Variants in INTS7 observed in about 807,000 individuals in gnomAD.
INTS7 encodes chromosome 1 open reading frame 73.
In INTS7, 46 loss-of-function variants were observed where a neutral mutation model predicts 109.2. That is an observed-to-expected ratio of 0.42 (90% CI 0.33 to 0.54). The LOEUF (loss-of-function observed/expected upper bound fraction) is 0.54. Among genes scored for constraint, INTS7 ranks in the 20% least tolerant of loss-of-function variants. The pLI, the probability that INTS7 is intolerant of heterozygous loss-of-function variation, is 0.07. For missense variants in INTS7, 929 were observed against 1,132.4 expected, an observed-to-expected ratio of 0.82 and a Z score of 2.58; for synonymous variants, 412 against 402.9, an observed-to-expected ratio of 1.02 and a Z score of -0.27.
At chr1:211,992,692 A>G (rs996948784) in intron 7 of INTS7, among the ~76,000 whole-genome samples, 2 of 152,120 alleles carry the variant, frequency 1.3e-5, no homozygotes, top group Non-Finnish European at 2.9e-5. Flanking sequence ...TAAAAATAAT[A>G]ATAATAAAAT....
At chr1:212,016,829 C>A in intron 4 of INTS7, 57 bp downstream of exon 4, 1 of 1,469,008 alleles carries the variant, frequency 6.8e-7, no homozygotes, top group South Asian at 1.3e-5. Flanking sequence ...GTTTTTCCTT[C>A]AAAAATTTTT....
At position 211,941,056 on chromosome 1, in the gene INTS7, A is replaced by G. The variant is rs1487207497; in HGVS notation, c.*768T>C. The G allele has an allele frequency of 6.6e-6, 1 of 152,258 alleles. No homozygotes were observed. Among genetic ancestry groups the G allele is most frequent in the Non-Finnish European group, 1.5e-5 (1 of 68,046 alleles). The allele number at this position is 152,258 out of a possible 1,614,324, so 9.4% of individuals were successfully genotyped here. A position where few individuals can be genotyped will look rare whatever the true frequency, so the allele number is the denominator to read the frequency against. On this transcript the variant is annotated 3_prime_UTR_variant, in exon 20 of 20. Transcript: ENST00000366994. Reference sequence around the variant, plus strand: ...CAATACTGTTAGACTGTGGGCTTTCATAATCCAGAAGGCTGGATGTTGCAC... The same window carrying G: ...CAATACTGTTAGACTGTGGGCTTTCGTAATCCAGAAGGCTGGATGTTGCAC...
intron 7 of INTS7, among the ~76,000 whole-genome samples, chr1:212,002,810 T>C (rs1372365675): frequency 6.6e-6 from 1 of 152,090 alleles, no homozygotes; most frequent in Middle Eastern, 3.2e-3. Context: ...CAAATGCAAA[T>C]CCCTACAGGA....
rs1010404955 is a variant in INTS7 at position 212,011,238 on chromosome 1, G to T, written c.556+137C>A. 5.1e-6 allele frequency: 3 copies of T among 592,102 alleles called. No homozygotes were observed. The South Asian group carries it at 7.1e-5, about 14-fold the overall frequency. The allele number at this position is 592,102 out of a possible 1,614,324, so 36.7% of individuals were successfully genotyped here. ...TCCTGTATCCTCAGCATTTAGAACA[G>T]TTTGGGCAAATAGAAGATACTTAAT... On this transcript the variant is annotated intron_variant, in intron 5 of 19. Coordinates refer to ENST00000366994, the MANE Select transcript of INTS7 (RefSeq NM_015434.4).
intron 1 of INTS7, among the ~76,000 whole-genome samples, chr1:212,030,509 G>A (rs1454432876): frequency 3.3e-5 from 5 of 151,972 alleles, no homozygotes; most frequent in Non-Finnish European, 7.4e-5. Flanking sequence ...GGCTGGTCTC[G>A]AACTCCTGAC....
rs374515643 is a variant in INTS7, at chr1:211,966,460, T to C, written c.2153A>G (p.Glu718Gly). 5.0e-6 allele frequency: 8 copies of C among 1,608,474 alleles called. No individual in the cohort carries two copies. Among genetic ancestry groups the C allele is most frequent in the Middle Eastern group, 3.3e-4 (2 of 6,042 alleles). Reference sequence around the variant, plus strand: ...TGATTCTGGATCCAAAATCAGGGCTTCTATTGCATGAGATATCAGTAAACA... The same window carrying C: ...TGATTCTGGATCCAAAATCAGGGCTCCTATTGCATGAGATATCAGTAAACA... Reference protein sequence around the residue: ...QSCLLISHAIEALILDPESAS... With the variant: ...QSCLLISHAIGALILDPESAS... The change falls in exon 16 of 20, where the codon GAA (glutamate) becomes GGA (glycine). Residue 718 changes from glutamate to glycine, a missense_variant. Transcript: ENST00000366994.
intron 1 of INTS7, among the ~76,000 whole-genome samples, chr1:212,032,360 G>A (rs1667204452): frequency 6.6e-6 from 1 of 152,106 alleles, no homozygotes; most frequent in South Asian, 2.1e-4. Context: ...CTTTTCAAAG[G>A]AAAGTCAGAT....
intron 4 of INTS7, chr1:212,011,721 T>C (rs1372019968): frequency 7.2e-6 from 2 of 278,310 alleles, no homozygotes; most frequent in East Asian, 1.3e-4. Flanking sequence ...TGTGTTTATA[T>C]AACAACAGGG....
chr1:212,021,121 A>G lies in INTS7; in HGVS notation c.186T>C (p.Asn62=). 1.2e-6 allele frequency: 2 copies of G among 1,612,034 alleles called. No homozygotes were observed. Among genetic ancestry groups the G allele is most frequent in the Non-Finnish European group, 1.7e-6 (2 of 1,178,688 alleles). ...CATCAGCTAACTTTAGGAATGCAGA[A>G]TTGATAAGAATAGGGAATGGATACT... ...FQKYPFPILI[N]SAFLKLADVF... The change falls in exon 2 of 20, where the codon AAT becomes AAC. Residue 62 remains asparagine (N), a synonymous_variant. Coordinates refer to ENST00000366994, the MANE Select transcript of INTS7 (RefSeq NM_015434.4).
At chr1:212,006,047 G>A (rs1293400506) in intron 7 of INTS7, among the ~76,000 whole-genome samples, 2 of 152,020 alleles carry the variant, frequency 1.3e-5, no homozygotes, top group Non-Finnish European at 2.9e-5. Context: ...TTTGCAAAAT[G>A]GTGTTATTTC....
intron 16 of INTS7, among the ~76,000 whole-genome samples, chr1:211,957,259 T>C (rs1663410730): frequency 6.6e-6 from 1 of 152,132 alleles, no homozygotes; most frequent in South Asian, 2.1e-4. Flanking sequence ...TAAAATTGGA[T>C]TGTCAGCCGG....
chr1:211,968,585 T>C lies in INTS7; in HGVS notation c.1938A>G (p.Pro646=). ...TGGCAATTGTTGTGGCAATTGCAGG[T>C]GGTGGGCTTGTCTTCAGGCTATTAC... ...CTCNSLKTSP[P]PAIATTIAMT... Residue 646 remains proline (P), a synonymous_variant, in exon 14 of 20, where the codon CCA becomes CCG. Coordinates refer to ENST00000366994, the MANE Select transcript of INTS7 (RefSeq NM_015434.4). 1 of 1,613,888 alleles carries C rather than the reference T, an allele frequency of 6.2e-7. No homozygotes were observed. The highest frequency in any genetic ancestry group is 8.5e-7 in the Non-Finnish European group (1 of 1,179,966).
At chr1:211,945,161 G>GT (rs919491808) in intron 18 of INTS7, among the ~76,000 whole-genome samples, 192 bp from the exon 19 acceptor site, 7 of 152,094 alleles carry the variant, frequency 4.6e-5, no homozygotes, top group Admixed American at 6.5e-5. Flanking sequence ...CATCACTGTG[G>GT]TTTTCATCCC....
chr1:212,035,521 G>T lies in INTS7; in HGVS notation c.-84C>A. 9.1e-7 allele frequency: 1 copy of T among 1,097,862 alleles called. No homozygotes were observed. The allele number at this position is 1,097,862 out of a possible 1,614,324, so 68.0% of individuals were successfully genotyped here. On this transcript the variant is annotated 5_prime_UTR_variant, in exon 1 of 20. Coordinates refer to ENST00000366994, the MANE Select transcript of INTS7 (RefSeq NM_015434.4). ...CGCCATCTTCCCCCGCCGCCTTCTTGCTGGTTTTTCTTCCGCGCGCTGTCA... is the reference window on the plus strand; with the variant it reads ...CGCCATCTTCCCCCGCCGCCTTCTTTCTGGTTTTTCTTCCGCGCGCTGTCA...
intron 7 of INTS7, among the ~76,000 whole-genome samples, chr1:211,991,544 T>G (rs1665147626): frequency 1.3e-5 from 2 of 152,244 alleles, no homozygotes; most frequent in South Asian, 4.1e-4. Flanking sequence ...TTTTGGAATT[T>G]TGACCACATG....
At chr1:211,984,181 T>C (rs1223017338) in intron 8 of INTS7, among the ~76,000 whole-genome samples, 3 of 152,160 alleles carry the variant, frequency 2.0e-5, no homozygotes, top group Non-Finnish European at 4.4e-5. Flanking sequence ...GGCAAAACAT[T>C]AGAAAGATGA....
intron 8 of INTS7, among the ~76,000 whole-genome samples, 174 bp downstream of exon 8, chr1:211,987,709 ATGT>A (rs952052302): frequency 6.6e-6 from 1 of 152,210 alleles, no homozygotes; most frequent in African/African-American, 2.4e-5. Context: ...AGGATGCGAG[ATGT>A]TGTTATCATA....
chr1:211,987,901 A>T lies in INTS7; in HGVS notation c.982T>A (p.Phe328Ile). Residue 328 changes from phenylalanine to isoleucine, a missense_variant, in exon 8 of 20, where the codon TTC (phenylalanine) becomes ATC (isoleucine). Transcript: ENST00000366994. Reference protein sequence around the residue: ...LSGTIAIKHYFSIVPGNVSSS... With the variant: ...LSGTIAIKHYISIVPGNVSSS... Reference sequence around the variant, plus strand: ...TTTTCCTTACCTGGAACTATACTGAAGTAATGTTTGATGGCGATGGTCCCT... The same window carrying T: ...TTTTCCTTACCTGGAACTATACTGATGTAATGTTTGATGGCGATGGTCCCT... 6.3e-7 allele frequency: 1 copy of T among 1,583,366 alleles called. No individual in the cohort carries two copies. The highest frequency in any genetic ancestry group is 8.7e-7 in the Non-Finnish European group (1 of 1,152,454).
At chr1:212,023,088 C>A (rs1666776335) in intron 1 of INTS7, among the ~76,000 whole-genome samples, 2 of 152,130 alleles carry the variant, frequency 1.3e-5, no homozygotes, top group Admixed American at 1.3e-4. Context: ...TGTTTTCATT[C>A]TTTTTTATGG....
Sources: gnomAD v4.1 joint callset for allele counts (sites outside exome capture counted in the v4.1 genomes callset) on GRCh38, gnomAD v4.1.1 for gene constraint, MANE v1.5 for transcripts, NCBI Gene and HGNC (gene_info 2026-07-23, HGNC 2026-07-21) for gene names.